DPP6: variants seen among roughly 807,000 people sequenced by gnomAD.
DPP6 encodes the protein dipeptidyl peptidase like 6.
DPP6 carries 69 observed loss-of-function variants against 122.6 expected under a neutral mutation model. The observed-to-expected ratio is 0.56, with a 90% CI of 0.46 to 0.69. The LOEUF is 0.69. Ranked by LOEUF, DPP6 falls within the 30% of genes least tolerant of loss-of-function variation. The probability of loss-of-function intolerance (pLI) is 0.00; values close to 1 mark genes in which losing one functional copy is unlikely to be tolerated. For missense variants in DPP6, 928 were observed against 1,116.9 expected, an observed-to-expected ratio of 0.83 and a Z score of 2.41; for synonymous variants, 418 against 433.1, an observed-to-expected ratio of 0.97 and a Z score of 0.43.
At chr7:154,647,505 G>A (rs540480758) in intron 6 of DPP6, among the ~76,000 whole-genome samples, 3 of 152,320 alleles carry the variant, frequency 2.0e-5, no homozygotes, top group South Asian at 4.2e-4. Flanking sequence ...TCTGCAGCAT[G>A]GAGATGAAGC....
chr7:154,885,389 T>C, intron 21 of DPP6: 1 of 498,208 alleles, frequency 2.0e-6, no homozygotes, highest in Non-Finnish European at 3.6e-6. Context: ...CATTTCATCC[T>C]CACGTCCCTT....
At chr7:154,788,066 G>T (rs773145411) in intron 10 of DPP6, among the ~76,000 whole-genome samples, 3 of 152,256 alleles carry the variant, frequency 2.0e-5, no homozygotes, top group Middle Eastern at 3.4e-3. Flanking sequence ...TGATTTTAGA[G>T]ATTACTTTTT....
At chr7:154,138,912 T>C (rs1795710341) in intron 1 of DPP6, among the ~76,000 whole-genome samples, 1 of 152,140 alleles carries the variant, frequency 6.6e-6, no homozygotes, top group Admixed American at 6.5e-5. Context: ...CAAGGAAACA[T>C]GTCAGTTGCT....
chr7:154,831,203 G>C (rs1800603884), intron 16 of DPP6, among the ~76,000 whole-genome samples: 1 of 152,338 alleles, frequency 6.6e-6, no homozygotes, highest in African/African-American at 2.4e-5. Context: ...GTCGTCCACT[G>C]TGGAGAGCTC....
At chr7:154,758,225 G>C (rs538581669) in intron 8 of DPP6, among the ~76,000 whole-genome samples, 1 of 152,156 alleles carries the variant, frequency 6.6e-6, no homozygotes, top group Non-Finnish European at 1.5e-5. Context: ...AGGCTGAGTC[G>C]GTGTGTCAGT....
At chr7:153,760,997 G>T in the DPP6 span, among the ~76,000 whole-genome samples, 1 of 152,052 alleles carries the variant, frequency 6.6e-6, no homozygotes, top group African/African-American at 2.4e-5. Context: ...CATCTGTTTA[G>T]CTCAGAGTCT....
chr7:154,342,286 G>C (rs2879061), intron 1 of DPP6, among the ~76,000 whole-genome samples: 12,487 of 152,174 alleles, frequency 0.082, 690 homozygotes, highest in African/African-American at 0.14. Flanking sequence ...CTCTGAATTG[G>C]CCTACTAAGC....
chr7:154,863,490 G>A lies in DPP6; in HGVS notation c.1715-4505G>A, dbSNP rs1803597066. 6.6e-6 allele frequency among the ~76,000 whole-genome samples: 1 copy of A among 151,592 alleles called. No individual in the cohort carries two copies. The highest frequency in any genetic ancestry group is 6.6e-5 in the Admixed American group (1 of 15,228). ...CCCACCTCAGCCTCCTGAGTAACTG[G>A]GACCACAGGTGTGTGCCACCATGCC... On this transcript the variant is annotated intron_variant, in intron 17 of 25. Coordinates refer to ENST00000377770, the MANE Select transcript of DPP6 (RefSeq NM_130797.4). This position sits in a 1 kb window ranked among gnomAD's most constrained non-coding sequence, Gnocchi z 4.1.
In DPP6 at chr7:154,474,968, A is replaced by C. The variant is rs752764093; in HGVS notation, c.388A>C (p.Lys130Gln). 6.2e-7 allele frequency: 1 copy of C among 1,613,696 alleles called. No individual in the cohort carries two copies. Among genetic ancestry groups the C allele is most frequent in the African/African-American group, 1.3e-5 (1 of 75,018 alleles). Reference protein sequence around the residue: ...AEDNSLSQKKKVTVEDLFSED... With the variant: ...AEDNSLSQKKQVTVEDLFSED... ...AGATAATAGTCTGTCTCAAAAGAAG[A>C]AGGTCACTGTAGAAGATCTCTTCAG... The change falls in exon 3 of 26, where the codon AAG (lysine) becomes CAG (glutamine). Residue 130 changes from lysine (K) to glutamine (Q), a missense_variant. By Grantham distance (53) the Lys-to-Gln change is moderately conservative. Transcript: ENST00000377770.
At chr7:154,459,687 C>T (rs1054970237) in intron 2 of DPP6, among the ~76,000 whole-genome samples, 3 of 150,608 alleles carry the variant, frequency 2.0e-5, no homozygotes, top group African/African-American at 4.9e-5. Context: ...CGTCATGGCG[C>T]GTGCCTGTAA....
At chr7:154,385,220 C>T (rs1039867472) in intron 1 of DPP6, among the ~76,000 whole-genome samples, 2 of 152,182 alleles carry the variant, frequency 1.3e-5, no homozygotes, top group Non-Finnish European at 2.9e-5. Flanking sequence ...CCGCCCGCCT[C>T]GGCCTCCCAA....
At chr7:154,355,872 TACTC>T (rs1164595524) in intron 1 of DPP6, among the ~76,000 whole-genome samples, 2 of 152,308 alleles carry the variant, frequency 1.3e-5, no homozygotes, top group East Asian at 1.9e-4. Flanking sequence ...TACACACACA[TACTC>T]ACTCACATAG....
intron 1 of DPP6, among the ~76,000 whole-genome samples, chr7:154,235,429 T>A (rs1274929550): frequency 1.4e-5 from 2 of 147,932 alleles, no homozygotes; most frequent in Non-Finnish European, 3.0e-5. Context: ...CCAGTGTGCT[T>A]GGATGAATTG....
the DPP6 span, among the ~76,000 whole-genome samples, chr7:153,785,899 T>C: frequency 1.3e-5 from 2 of 151,968 alleles, no homozygotes; most frequent in African/African-American, 4.8e-5. Context: ...AACTGTTTTT[T>C]TTTTTTCTAT....
At chr7:154,183,455 T>A (rs933059407) in intron 1 of DPP6, among the ~76,000 whole-genome samples, 1 of 152,246 alleles carries the variant, frequency 6.6e-6, no homozygotes. Context: ...CTAAACACTC[T>A]AAATATGTCC....
At chr7:154,082,093 A>G (rs1804055981) in intron 1 of DPP6, among the ~76,000 whole-genome samples, 1 of 152,180 alleles carries the variant, frequency 6.6e-6, no homozygotes. Flanking sequence ...ACACAGCAGC[A>G]CAGGGGCAGC....
intron 1 of DPP6, among the ~76,000 whole-genome samples, chr7:154,257,214 C>T (rs548756711): frequency 1.3e-5 from 2 of 151,890 alleles, no homozygotes; most frequent in South Asian, 4.2e-4. Flanking sequence ...GTCTCGTGCT[C>T]CTGCCCAAAA....
At chr7:154,310,729 C>T (rs1369270312) in intron 1 of DPP6, among the ~76,000 whole-genome samples, 1 of 152,152 alleles carries the variant, frequency 6.6e-6, no homozygotes, top group African/African-American at 2.4e-5. Flanking sequence ...TTAGCTCCAG[C>T]GTGCACGTGG....
the DPP6 span, among the ~76,000 whole-genome samples, chr7:153,799,262 T>C: frequency 6.6e-6 from 1 of 152,248 alleles, no homozygotes; most frequent in Admixed American, 6.5e-5. Flanking sequence ...ATGGTATCTT[T>C]CAGACTCACT....
Sources: allele counts gnomAD v4.1 joint callset (sites outside exome capture counted in the v4.1 genomes callset), GRCh38; gene constraint gnomAD v4.1.1; non-coding constraint Gnocchi (gnomAD v3.1); transcripts MANE v1.5; gene names NCBI Gene and HGNC (gene_info 2026-07-23, HGNC 2026-07-21).